PTH2R: variants seen among roughly 807,000 people sequenced by gnomAD.
PTH2R encodes the protein parathyroid hormone 2 receptor, also known as PTH2 receptor.
Under a neutral mutation model 60.3 loss-of-function variants are expected in PTH2R, and 59 were observed. The ratio of observed to expected loss-of-function variants is 0.98; its 90% CI spans 0.79 to 1.22. The LOEUF (loss-of-function observed/expected upper bound fraction) is 1.22, where lower values mean the gene tolerates loss of function less well. Ranked by LOEUF, PTH2R falls within the 50% of genes most tolerant of loss-of-function variation. The pLI is 0.00. For missense variants in PTH2R, 749 were observed against 682.6 expected, an observed-to-expected ratio of 1.10 and a Z score of -1.08; for synonymous variants, 256 against 243.8, an observed-to-expected ratio of 1.05 and a Z score of -0.47.
Position 208,493,999 on chromosome 2 carries a change from A to G in PTH2R, c.*340A>G, listed in dbSNP as rs1461735931. The G allele has an allele frequency of 1.1e-5, 2 of 181,922 alleles. No homozygotes were observed. Among genetic ancestry groups the G allele is most frequent in the African/African-American group, 2.3e-5 (1 of 42,754 alleles). 11.3% of individuals were successfully genotyped at this position (181,922 alleles called of 1,614,324 possible). A position where few individuals can be genotyped will look rare whatever the true frequency, so the allele number is the denominator to read the frequency against. On this transcript the variant is annotated 3_prime_UTR_variant, in exon 13 of 13. Coordinates refer to ENST00000272847, the MANE Select transcript of PTH2R (RefSeq NM_005048.4). Reference sequence around the variant, plus strand: ...TTCTCTCATATATATCACCCTAAATATAATGAAGATCTTTTAGTGTGTATC... The same window carrying G: ...TTCTCTCATATATATCACCCTAAATGTAATGAAGATCTTTTAGTGTGTATC...
intron 1 of PTH2R, among the ~76,000 whole-genome samples, chr2:208,423,459 C>A (rs1701795512): frequency 6.6e-6 from 1 of 152,072 alleles, no homozygotes; most frequent in African/African-American, 2.4e-5. Context: ...AGTCTGAGAA[C>A]TCTGTATGCT....
intron 9 of PTH2R, among the ~76,000 whole-genome samples, chr2:208,464,986 G>GT (rs1702713827): frequency 6.6e-6 from 1 of 151,706 alleles, no homozygotes; most frequent in Admixed American, 6.6e-5. Context: ...TTGTTTGTTT[G>GT]TTTTTTTGAG....
At chr2:208,453,617 T>G (rs1478608607) in intron 8 of PTH2R, among the ~76,000 whole-genome samples, 2 of 152,260 alleles carry the variant, frequency 1.3e-5, no homozygotes, top group African/African-American at 4.8e-5. Context: ...TGGATTCGGC[T>G]GACCATTTTT....
rs201680392 is a variant in PTH2R at position 208,378,056 on chromosome 2, A to ACGC, written c.-259+17821_-259+17823dup. Among the ~76,000 whole-genome samples the ACGC allele has an allele frequency of 6.0e-3, 914 of 152,138 alleles. 42 individuals carry two copies. The East Asian group carries it at 0.13, about 21-fold the overall frequency. The stretch of plus-strand genomic sequence containing the variant: ...GTGGAGGTTGTAGCTAGCCGAGATC[A>ACGC]CGCCACTGCACTCCAGCCTGGGCAA... On this transcript the variant is annotated intron_variant, in intron 1 of 12. Transcript: ENST00000617735.
intron 2 of PTH2R, among the ~76,000 whole-genome samples, chr2:208,436,133 G>A (rs1702070362): frequency 1.3e-5 from 2 of 152,172 alleles, no homozygotes; most frequent in Admixed American, 1.3e-4. Flanking sequence ...TGTGACTTAG[G>A]AATATAATAA....
Position 208,450,794 on chromosome 2 carries a change from C to G in PTH2R, c.899C>G (p.Thr300Ser). 1 of 1,613,994 alleles carries G rather than the reference C, an allele frequency of 6.2e-7. No homozygotes were observed. Among genetic ancestry groups the G allele is most frequent in the African/African-American group, 1.3e-5 (1 of 75,030 alleles). The part of the protein sequence containing the change: ...FVAAWAVARA[T>S]LADARCWELS... ...GCAGCATGGGCTGTGGCACGAGCAA[C>G]TCTGGCTGATGCGAGGTGAGTGAAA... The change falls in exon 8 of 13, where the codon ACT (threonine) becomes AGT (serine). Residue 300 changes from threonine to serine, a missense_variant. Physicochemically the swap from Thr to Ser is moderately conservative, Grantham distance 58. Transcript: ENST00000272847.
At chr2:208,391,362 G>GT (rs1206758192) in intron 1 of PTH2R, among the ~76,000 whole-genome samples, 2 of 152,192 alleles carry the variant, frequency 1.3e-5, no homozygotes, top group African/African-American at 4.8e-5. Flanking sequence ...CCCAAGGAAG[G>GT]TGAGTTTCTT....
intron 8 of PTH2R, among the ~76,000 whole-genome samples, chr2:208,453,618 G>C (rs892720697): frequency 1.3e-5 from 2 of 152,170 alleles, no homozygotes; most frequent in Non-Finnish European, 2.9e-5. Flanking sequence ...GGATTCGGCT[G>C]ACCATTTTTT....
At position 208,415,978 on chromosome 2, in the gene PTH2R, A is replaced by T. The variant is rs575068719; in HGVS notation, c.75+8860A>T. Among the ~76,000 whole-genome samples, 70 of 152,300 alleles carry T rather than the reference A, an allele frequency of 4.6e-4. 1 individual carries two copies. In the South Asian group the frequency reaches 0.015, roughly 32 times the overall value. On this transcript the variant is annotated intron_variant, in intron 1 of 12. Transcript: ENST00000272847. ...CCTTTTGAAAAGAATAGAGTTGAGG[A>T]TGTTGTAGCAACATCAATAATCAAT...
Position 208,442,446 on chromosome 2 carries a change from T to C in PTH2R, c.494T>C (p.Ile165Thr). 6.2e-7 allele frequency: 1 copy of C among 1,608,470 alleles called. No individual in the cohort carries two copies. Among genetic ancestry groups the C allele is most frequent in the Non-Finnish European group, 8.5e-7 (1 of 1,174,926 alleles). ...SFGSLAVAIL[I>T]IGYFRRLHCT... is the part of the protein sequence containing the mutation. ...GGTTCCTTGGCTGTGGCTATTCTCA[T>C]CATTGGTTACTTCAGGTGAGTGATG... Residue 165 changes from isoleucine (I) to threonine (T), a missense_variant, in exon 5 of 13, where the codon ATC becomes ACC. Ile to Thr is a moderately conservative substitution (Grantham distance 89, BLOSUM62 -1). Transcript: ENST00000272847.
chr2:208,369,461 G>T (rs1006528760), intron 1 of PTH2R, among the ~76,000 whole-genome samples: 38 of 151,332 alleles, frequency 2.5e-4, no homozygotes, highest in Non-Finnish European at 4.3e-4. Context: ...CCACCTTCCG[G>T]TTCAAGCGAT....
chr2:208,469,589 T>C (rs1221811443), intron 9 of PTH2R, among the ~76,000 whole-genome samples: 1 of 152,174 alleles, frequency 6.6e-6, no homozygotes, highest in Non-Finnish European at 1.5e-5. Flanking sequence ...AATCACTTAA[T>C]TTTGGAATTG....
upstream of PTH2R, among the ~76,000 whole-genome samples, chr2:208,405,414 A>G (rs1701384560): frequency 6.6e-6 from 1 of 152,232 alleles, no homozygotes; most frequent in Non-Finnish European, 1.5e-5. Flanking sequence ...AAGATATTAT[A>G]AATTAGGCCA....
chr2:208,410,753 G>A (rs952268393), intron 1 of PTH2R, among the ~76,000 whole-genome samples: 3 of 150,588 alleles, frequency 2.0e-5, no homozygotes, highest in African/African-American at 7.4e-5. Flanking sequence ...AACATATTCA[G>A]ATAAAAGATT....
chr2:208,445,294 T>A (rs1221250321), intron 7 of PTH2R, among the ~76,000 whole-genome samples: 1 of 152,188 alleles, frequency 6.6e-6, no homozygotes, highest in Non-Finnish European at 1.5e-5. Context: ...GGTCATATGA[T>A]GAGAATGCCA....
At chr2:208,402,338 A>G (rs903841676), upstream of PTH2R, among the ~76,000 whole-genome samples, 1 of 152,094 alleles carries the variant, frequency 6.6e-6, no homozygotes, top group Non-Finnish European at 1.5e-5. Flanking sequence ...TATTTTGTCC[A>G]TGTTGATATT....
chr2:208,359,724 G>T (rs1700402206), exon 1 of PTH2R: 1 of 152,786 alleles, frequency 6.5e-6, no homozygotes, highest in African/African-American at 2.4e-5. Flanking sequence ...GTGCTCCGAG[G>T]GACCACAGGT....
At chr2:208,372,120 A>C (rs970122713) in intron 1 of PTH2R, among the ~76,000 whole-genome samples, 2 of 152,012 alleles carry the variant, frequency 1.3e-5, no homozygotes, top group African/African-American at 4.8e-5. Context: ...ATGGGGTTTC[A>C]CCATGTTGGC....
rs759931277 is a variant in PTH2R, at chr2:208,442,453, T to C, written c.501T>C (p.Gly167=). 12 of 1,603,420 alleles carry C rather than the reference T, an allele frequency of 7.5e-6. No individual in the cohort carries two copies. In the Admixed American group the frequency reaches 2.0e-4, roughly 27 times the overall value. ...TGGCTGTGGCTATTCTCATCATTGG[T>C]TACTTCAGGTGAGTGATGCCCATCA... ...GSLAVAILII[G]YFRRLHCTRN... Residue 167 remains glycine, a synonymous_variant, in exon 5 of 13, where the codon GGT becomes GGC. Coordinates refer to ENST00000272847, the MANE Select transcript of PTH2R (RefSeq NM_005048.4).
Sources: gnomAD v4.1 joint callset for allele counts (sites outside exome capture counted in the v4.1 genomes callset) on GRCh38, gnomAD v4.1.1 for gene constraint, MANE v1.5 for transcripts, NCBI Gene and HGNC (gene_info 2026-07-23, HGNC 2026-07-21) for gene names.